The following VWC2 variants were observed in gnomAD, a reference collection of about 807,000 sequenced individuals.
The protein encoded by VWC2 is von Willebrand factor C domain containing 2.
VWC2 carries 14 observed loss-of-function variants against 29.8 expected under a neutral mutation model. The observed-to-expected ratio is 0.47, with a 90% CI of 0.31 to 0.74. VWC2 has a LOEUF of 0.74. Among genes scored for constraint, VWC2 ranks in the 30% least tolerant of loss-of-function variants. The pLI is 0.05. For missense variants in VWC2, 457 were observed against 459.8 expected (o/e 0.99, Z 0.05); for synonymous variants, 213 against 199.0 (o/e 1.07, Z -0.59).
chr7:49,783,351 A>G (rs1788219973), intron 2 of VWC2, among the ~76,000 whole-genome samples: 1 of 152,102 alleles, frequency 6.6e-6, no homozygotes, highest in African/African-American at 2.4e-5. Context: ...AAGCCACTCT[A>G]TTATTATTAA....
At chr7:49,875,382 A>AAAC (rs1791364327) in intron 3 of VWC2, among the ~76,000 whole-genome samples, 1 of 149,324 alleles carries the variant, frequency 6.7e-6, no homozygotes, top group African/African-American at 2.5e-5. Context: ...AAAAAAAAAA[A>AAAC]AAAAAAAAAA....
intron 3 of VWC2, among the ~76,000 whole-genome samples, chr7:49,807,167 T>C (rs1788898482): frequency 1.3e-5 from 2 of 152,176 alleles, no homozygotes; most frequent in African/African-American, 4.8e-5. Context: ...AAAGGAGGGA[T>C]ATATCATGTT....
At chr7:49,906,492 C>T (rs1238510027) in intron 3 of VWC2, among the ~76,000 whole-genome samples, 3 of 152,058 alleles carry the variant, frequency 2.0e-5, no homozygotes, top group Non-Finnish European at 4.4e-5. Flanking sequence ...CCCGCCACCA[C>T]ACCCAGCTAA....
In VWC2 at chr7:49,920,386, T is replaced by C. The variant is rs1364856821; in HGVS notation, c.*8201T>C. ...CTATACATGCATGCATCTATACAAA[T>C]GGTTAAACAGTTACTCTCTCAATTT... On this transcript the variant is annotated 3_prime_UTR_variant, in exon 4 of 4. Coordinates refer to ENST00000340652, the MANE Select transcript of VWC2 (RefSeq NM_198570.5). 6.6e-6 allele frequency: 1 copy of C among 152,186 alleles called. No individual in the cohort carries two copies. Among genetic ancestry groups the C allele is most frequent in the Non-Finnish European group, 1.5e-5 (1 of 68,026 alleles). The allele number at this position is 152,186 out of a possible 1,614,324, so 9.4% of individuals were successfully genotyped here. A position where few individuals can be genotyped will look rare whatever the true frequency, so the allele number is the denominator to read the frequency against.
rs2128744137 is a variant in VWC2, at chr7:49,913,787, A to C, written c.*1602A>C. On this transcript the variant is annotated 3_prime_UTR_variant, in exon 4 of 4. Coordinates refer to ENST00000340652, the MANE Select transcript of VWC2 (RefSeq NM_198570.5). ...AAAATCATTATATAAAAAATAATTC[A>C]ATCATTAAAGACTGAATAACATTCA... 6.6e-6 allele frequency: 1 copy of C among 152,334 alleles called. No homozygotes were observed. The highest frequency in any genetic ancestry group is 1.9e-4 in the East Asian group (1 of 5,188). The allele number at this position is 152,334 out of a possible 1,614,324, so 9.4% of individuals were successfully genotyped here.
intron 3 of VWC2, among the ~76,000 whole-genome samples, chr7:49,875,276 A>T (rs902062629): frequency 4.1e-5 from 6 of 146,336 alleles, no homozygotes; most frequent in African/African-American, 1.5e-4. Context: ...AGGCTGAGGC[A>T]GGAGAATCGC....
At chr7:49,904,770 C>CT (rs1206157234) in intron 3 of VWC2, among the ~76,000 whole-genome samples, 3 of 142,888 alleles carry the variant, frequency 2.1e-5, no homozygotes, top group African/African-American at 5.2e-5. Context: ...GAGTATCACT[C>CT]TGTCGCCCAG....
At chr7:49,879,503 C>G (rs911559511) in intron 3 of VWC2, among the ~76,000 whole-genome samples, 9 of 152,114 alleles carry the variant, frequency 5.9e-5, no homozygotes, top group African/African-American at 2.2e-4. Flanking sequence ...TAATAGAATG[C>G]AGAATCACCA....
chr7:49,814,967 G>T (rs1003409829), intron 3 of VWC2, among the ~76,000 whole-genome samples: 1 of 152,172 alleles, frequency 6.6e-6, no homozygotes, highest in Non-Finnish European at 1.5e-5. Context: ...TAATCCCATT[G>T]TATTCTTATG....
intron 2 of VWC2, 131 bp downstream of exon 2, chr7:49,776,262 G>A: frequency 2.5e-6 from 2 of 803,278 alleles, no homozygotes; most frequent in Non-Finnish European, 3.8e-6. Flanking sequence ...CTGTGCTCAC[G>A]TCCCTTTGAC....
chr7:49,778,765 C>T (rs1171723546), intron 2 of VWC2, among the ~76,000 whole-genome samples: 1 of 152,202 alleles, frequency 6.6e-6, no homozygotes, highest in Non-Finnish European at 1.5e-5. Flanking sequence ...GTTAACATGC[C>T]TGCTCTGGGT....
At chr7:49,825,863 A>C (rs1789378690) in intron 3 of VWC2, among the ~76,000 whole-genome samples, 2 of 152,156 alleles carry the variant, frequency 1.3e-5, no homozygotes, top group Non-Finnish European at 2.9e-5. Context: ...CTCACTGTAC[A>C]TGCTTATTCC....
At chr7:49,838,262 G>A (rs1363323468) in intron 3 of VWC2, among the ~76,000 whole-genome samples, 1 of 152,238 alleles carries the variant, frequency 6.6e-6, no homozygotes, top group Non-Finnish European at 1.5e-5. Context: ...ATGCTCTATG[G>A]ATGTGAGACA....
intron 3 of VWC2, among the ~76,000 whole-genome samples, chr7:49,817,654 AG>A (rs1447158797): frequency 2.6e-5 from 4 of 152,234 alleles, no homozygotes; most frequent in South Asian, 2.1e-4. Flanking sequence ...CAGGTATAAA[AG>A]AGTCCATTAC....
At chr7:49,784,173 A>G (rs1788244557) in intron 2 of VWC2, among the ~76,000 whole-genome samples, 1 of 152,230 alleles carries the variant, frequency 6.6e-6, no homozygotes, top group African/African-American at 2.4e-5. Context: ...TACACTGCGT[A>G]GTGGTGAAGG....
intron 3 of VWC2, among the ~76,000 whole-genome samples, chr7:49,852,665 G>A (rs1790228046): frequency 6.6e-6 from 1 of 151,694 alleles, no homozygotes. Context: ...TTCAGAAAGA[G>A]CCCTACCACC....
chr7:49,921,475 T>C lies in VWC2; in HGVS notation c.*9290T>C, dbSNP rs1468414042. 2 of 152,204 alleles carry C rather than the reference T, an allele frequency of 1.3e-5. No homozygotes were observed. The highest frequency in any genetic ancestry group is 4.8e-5 in the African/African-American group (2 of 41,460). 9.4% of individuals were successfully genotyped at this position (152,204 alleles called of 1,614,324 possible). ...TTGGCCTTTGGAGGTCTGATTCTAA[T>C]CCCAGTTCTACCACTTACTGGTTAT... is the stretch of plus-strand genomic sequence containing the variant. On this transcript the variant is annotated 3_prime_UTR_variant, in exon 4 of 4. Transcript: ENST00000340652.
intron 3 of VWC2, among the ~76,000 whole-genome samples, chr7:49,850,201 G>C (rs932841873): frequency 1.3e-5 from 2 of 152,218 alleles, no homozygotes; most frequent in Non-Finnish European, 2.9e-5. Flanking sequence ...TGGTCAGATA[G>C]GGTCTGTCAT....
intron 2 of VWC2, among the ~76,000 whole-genome samples, chr7:49,780,664 G>A (rs1349330567): frequency 2.0e-5 from 3 of 152,316 alleles, no homozygotes; most frequent in East Asian, 1.9e-4. Flanking sequence ...TATCGTAGCC[G>A]ATCAGGAGCT....
Sources: allele counts gnomAD v4.1 joint callset (sites outside exome capture counted in the v4.1 genomes callset), GRCh38; gene constraint gnomAD v4.1.1; transcripts MANE v1.5; gene names NCBI Gene and HGNC (gene_info 2026-07-23, HGNC 2026-07-21).